Variants in KIFC3 observed in about 807,000 individuals in gnomAD.
The protein encoded by KIFC3 is kinesin-like protein KIFC3.
Under a neutral mutation model 101.8 loss-of-function variants are expected in KIFC3, and 60 were observed. That is an observed-to-expected ratio of 0.59 (90% CI 0.48 to 0.73). The LOEUF is 0.73. Ranked by LOEUF, KIFC3 falls within the 30% of genes least tolerant of loss-of-function variation. The probability of loss-of-function intolerance (pLI) is 0.00; values close to 1 mark genes in which losing one functional copy is unlikely to be tolerated. For missense variants in KIFC3, 966 were observed against 1,137.1 expected, an observed-to-expected ratio of 0.85 and a Z score of 2.16; for synonymous variants, 476 against 482.7, an observed-to-expected ratio of 0.99 and a Z score of 0.18.
At position 57,819,841 on chromosome 16, in the gene KIFC3, G is replaced by A. The variant is rs368217057; in HGVS notation, c.109-21559C>T. Among the ~76,000 whole-genome samples, 7 of 151,906 alleles carry A rather than the reference G, an allele frequency of 4.6e-5. No individual in the cohort carries two copies. In the East Asian group the frequency reaches 9.7e-4, roughly 21 times the overall value. On this transcript the variant is annotated intron_variant, in intron 1 of 2. Transcript: ENST00000563028. ...CCCAAAGTGCTGGGATTACAGGCGT[G>A]AGCCACCGTGCCTGGCCCTTTTATT...
intron 12 of KIFC3, 51 bp from the exon 13 acceptor site, chr16:57,762,321 C>T (rs1259246882): frequency 1.4e-6 from 2 of 1,454,856 alleles, no homozygotes; most frequent in East Asian, 5.2e-5. Flanking sequence ...CCCAAAGACG[C>T]TCGTGTGGTG....
chr16:57,823,326 C>G (rs990730747), intron 1 of KIFC3, among the ~76,000 whole-genome samples: 1 of 152,124 alleles, frequency 6.6e-6, no homozygotes, highest in Non-Finnish European at 1.5e-5. Flanking sequence ...ATGGAACCAA[C>G]GTAAATCTTA....
At chr16:57,760,989 C>A (rs376950212) in intron 15 of KIFC3, 34 bp from the exon 16 acceptor site, 2 of 1,604,080 alleles carry the variant, frequency 1.2e-6, no homozygotes, top group African/African-American at 2.7e-5. Flanking sequence ...TCAGGCCTGC[C>A]CTGCCCCTTG....
At chr16:57,787,157 G>T (rs1332492743) in intron 3 of KIFC3, among the ~76,000 whole-genome samples, 1 of 152,266 alleles carries the variant, frequency 6.6e-6, no homozygotes, top group African/African-American at 2.4e-5. Context: ...GACCAGCGTG[G>T]CCCTCAGCCC....
At position 57,761,589 on chromosome 16, in the gene KIFC3, T is replaced by A; in HGVS notation, c.1749-53A>T. On this transcript the variant is annotated intron_variant, in intron 13 of 19. Coordinates refer to ENST00000445690, the MANE Select transcript of KIFC3 (RefSeq NM_001130100.2). ...CCTCCTCCCATTTCCAGCTGCTGTTTGCACTGCACCCAGCCCCCCAGCCAG... is the reference window on the plus strand; with the variant it reads ...CCTCCTCCCATTTCCAGCTGCTGTTAGCACTGCACCCAGCCCCCCAGCCAG... 1.9e-6 allele frequency: 3 copies of A among 1,588,584 alleles called. No individual in the cohort carries two copies. In the South Asian group the frequency reaches 3.4e-5, roughly 18 times the overall value.
At chr16:57,850,275 C>A (rs1322138359) in intron 1 of KIFC3, among the ~76,000 whole-genome samples, 1 of 149,980 alleles carries the variant, frequency 6.7e-6, no homozygotes, top group Admixed American at 6.6e-5. Flanking sequence ...TGGTGGCATG[C>A]ACCTGTAGTC....
chr16:57,790,078 C>CTTTCT (rs59016221), intron 3 of KIFC3, among the ~76,000 whole-genome samples: 3,449 of 94,032 alleles, frequency 0.037, 182 homozygotes, highest in African/African-American at 0.12. Context: ...TTCTTTCTTT[C>CTTTCT]TTTTTTTTTT....
intron 1 of KIFC3, chr16:57,817,060 CAAAAACG>C: frequency 3.4e-6 from 1 of 295,258 alleles, no homozygotes; most frequent in Non-Finnish European, 6.6e-6. Flanking sequence ...CTTAAAACAA[CAAAAACG>C]TATTCTCTCG....
intron 1 of KIFC3, among the ~76,000 whole-genome samples, chr16:57,850,995 TTCCC>T (rs1175542520): frequency 1.0e-4 from 14 of 134,768 alleles, no homozygotes; most frequent in African/African-American, 3.9e-4. Context: ...CCTTCCTTCC[TTCCC>T]TCCCTCCCTC....
chr16:57,785,716 GC>G, intron 3 of KIFC3: 1 of 1,097,812 alleles, frequency 9.1e-7, no homozygotes, highest in Non-Finnish European at 1.2e-6. Context: ...TCCCACGCTG[GC>G]AGAGGAGGGG....
chr16:57,838,373 T>C (rs2055739118), intron 1 of KIFC3, among the ~76,000 whole-genome samples: 1 of 152,126 alleles, frequency 6.6e-6, no homozygotes, highest in Non-Finnish European at 1.5e-5. Flanking sequence ...GCCACGCAAT[T>C]TTTGAGGATG....
intron 7 of KIFC3, 52 bp downstream of exon 7, chr16:57,770,475 G>A: frequency 7.4e-7 from 1 of 1,354,702 alleles, no homozygotes; most frequent in Non-Finnish European, 9.5e-7. Context: ...TTGGCCCAAG[G>A]GCCTGCCTCT....
At chr16:57,795,187 A>T (rs71387196) in intron 2 of KIFC3, 46 bp from the exon 3 acceptor site, 1 of 1,592,886 alleles carries the variant, frequency 6.3e-7, no homozygotes, top group South Asian at 1.1e-5. Context: ...ACCACTGGCC[A>T]AAGACTGCTA....
At chr16:57,825,096 C>T (rs2055431039) in intron 1 of KIFC3, among the ~76,000 whole-genome samples, 1 of 152,268 alleles carries the variant, frequency 6.6e-6, no homozygotes, top group Non-Finnish European at 1.5e-5. Context: ...CTCACCCCAG[C>T]CCAGCCCTCC....
At chr16:57,790,670 A>G (rs1401931123) in intron 3 of KIFC3, among the ~76,000 whole-genome samples, 5 of 152,150 alleles carry the variant, frequency 3.3e-5, no homozygotes, top group Non-Finnish European at 5.9e-5. Flanking sequence ...CGCCTCATTG[A>G]GCTTGTGTGA....
At chr16:57,820,240 C>T (rs782628993) in intron 1 of KIFC3, among the ~76,000 whole-genome samples, 1 of 152,184 alleles carries the variant, frequency 6.6e-6, no homozygotes, top group Non-Finnish European at 1.5e-5. Context: ...GAACTCCATG[C>T]AGCTCAGCTG....
intron 1 of KIFC3, among the ~76,000 whole-genome samples, chr16:57,851,731 T>A (rs2056064781): frequency 6.9e-6 from 1 of 145,886 alleles, no homozygotes; most frequent in African/African-American, 2.6e-5. Context: ...CACACCCGGC[T>A]AATTTTTGTT....
Position 57,758,609 on chromosome 16 carries a change from CCCT to C in KIFC3, c.*322_*324del. The C allele has an allele frequency of 1.4e-6, 1 of 691,388 alleles. No individual in the cohort carries two copies. Among genetic ancestry groups the C allele is most frequent in the East Asian group, 2.7e-5 (1 of 36,536 alleles). The allele number at this position is 691,388 out of a possible 1,614,324, so 42.8% of individuals were successfully genotyped here. A position where few individuals can be genotyped will look rare whatever the true frequency, so the allele number is the denominator to read the frequency against. On this transcript the variant is annotated 3_prime_UTR_variant, in exon 20 of 20. Coordinates refer to ENST00000445690, the MANE Select transcript of KIFC3 (RefSeq NM_001130100.2). ...CGAGAAAGCCTGGGTGAGAGGCCCA[CCCT>C]CCTCCACACTCCCGCCCTCCTCACG...
At chr16:57,766,763 A>C in intron 10 of KIFC3, 111 bp downstream of exon 10, 1 of 666,134 alleles carries the variant, frequency 1.5e-6, no homozygotes, top group Non-Finnish European at 2.6e-6. Context: ...CCTTATCTAC[A>C]GAGATAGGAT....
Sources: allele counts gnomAD v4.1 joint callset (sites outside exome capture counted in the v4.1 genomes callset), GRCh38; gene constraint gnomAD v4.1.1; transcripts MANE v1.5; gene names NCBI Gene and HGNC (gene_info 2026-07-23, HGNC 2026-07-21).